Variants in PLCB1 observed in about 807,000 individuals in gnomAD.
PLCB1 encodes the protein 1-phosphatidylinositol 4,5-bisphosphate phosphodiesterase beta-1.
In PLCB1, 46 loss-of-function variants were observed where a neutral mutation model predicts 161.8. The ratio of observed to expected loss-of-function variants is 0.28; its 90% CI spans 0.22 to 0.36. PLCB1 has a LOEUF of 0.36. PLCB1 is among the 10% of genes least tolerant of loss of function. The probability of loss-of-function intolerance (pLI) is 1.00; values close to 1 mark genes in which losing one functional copy is unlikely to be tolerated. For missense variants in PLCB1, 1,016 were observed against 1,472.5 expected, an observed-to-expected ratio of 0.69 and a Z score of 5.07; for synonymous variants, 517 against 503.7, an observed-to-expected ratio of 1.03 and a Z score of -0.35.
chr20:8,637,320 T>A (rs910873356), intron 4 of PLCB1, among the ~76,000 whole-genome samples: 1 of 152,190 alleles, frequency 6.6e-6, no homozygotes. Context: ...ATATTATAAT[T>A]TTCATTCATT....
At chr20:8,648,028 T>C in intron 6 of PLCB1, 75 bp downstream of exon 6, 1 of 1,117,546 alleles carries the variant, frequency 8.9e-7, no homozygotes, top group East Asian at 2.5e-5. Context: ...GGCTCTGTTT[T>C]GTTTCTCCAG....
rs912245095 is a variant in PLCB1 at position 8,882,652 on chromosome 20, A to G, written c.*803A>G. ...ATTGGTTATTGGCCTGAAATGATCA[A>G]ATAACTACAAATGATCTGTTGAATA... On this transcript the variant is annotated 3_prime_UTR_variant, in exon 32 of 32. Coordinates refer to ENST00000338037, the MANE Select transcript of PLCB1 (RefSeq NM_015192.4). 6.6e-6 allele frequency: 1 copy of G among 152,540 alleles called. No homozygotes were observed. Among genetic ancestry groups the G allele is most frequent in the Non-Finnish European group, 1.5e-5 (1 of 68,032 alleles). The allele number at this position is 152,540 out of a possible 1,614,324, so 9.4% of individuals were successfully genotyped here. A position where few individuals can be genotyped will look rare whatever the true frequency, so the allele number is the denominator to read the frequency against.
chr20:8,157,086 A>C (rs1178960548), intron 2 of PLCB1, among the ~76,000 whole-genome samples: 1 of 152,172 alleles, frequency 6.6e-6, no homozygotes, highest in Non-Finnish European at 1.5e-5. Flanking sequence ...TGGGCAAATA[A>C]GATGTTTATT....
intron 2 of PLCB1, among the ~76,000 whole-genome samples, chr20:8,357,195 T>A (rs549290105): frequency 6.6e-6 from 1 of 152,346 alleles, no homozygotes; most frequent in South Asian, 2.1e-4. Flanking sequence ...TCAGTTTTTC[T>A]AAACTGTAGA....
intron 31 of PLCB1, among the ~76,000 whole-genome samples, chr20:8,881,355 G>C (rs971729031): frequency 1.3e-5 from 2 of 151,064 alleles, no homozygotes; most frequent in African/African-American, 2.4e-5. Flanking sequence ...GTGTGTGTGT[G>C]TGTGCATTTG....
intron 2 of PLCB1, among the ~76,000 whole-genome samples, chr20:8,271,673 A>G (rs577696562): frequency 6.6e-6 from 1 of 152,126 alleles, no homozygotes; most frequent in East Asian, 1.9e-4. Flanking sequence ...CAAGGTAGAG[A>G]GTCTTGTCTC....
At chr20:8,219,576 G>T (rs544540128) in intron 2 of PLCB1, among the ~76,000 whole-genome samples, 1 of 152,276 alleles carries the variant, frequency 6.6e-6, no homozygotes, top group South Asian at 2.1e-4. Context: ...GTTTGTTGAT[G>T]TAAGATACTG....
chr20:8,747,686 C>A (rs925869953), intron 23 of PLCB1, among the ~76,000 whole-genome samples: 1 of 152,106 alleles, frequency 6.6e-6, no homozygotes, highest in African/African-American at 2.4e-5. Flanking sequence ...GCAGGAGAAT[C>A]GCCTGAGTCT....
chr20:8,784,826 C>G (rs1983407652), intron 27 of PLCB1, among the ~76,000 whole-genome samples: 2 of 152,082 alleles, frequency 1.3e-5, no homozygotes, highest in African/African-American at 4.8e-5. Flanking sequence ...TTGTTAAACA[C>G]CAAACCTATA....
At chr20:8,139,233 C>T (rs2051379598) in intron 1 of PLCB1, among the ~76,000 whole-genome samples, 1 of 151,854 alleles carries the variant, frequency 6.6e-6, no homozygotes, top group Non-Finnish European at 1.5e-5. Context: ...ATTACAGGCA[C>T]ATGCCACCAT....
At chr20:8,146,767 C>T (rs1485971259) in intron 1 of PLCB1, among the ~76,000 whole-genome samples, 1 of 152,056 alleles carries the variant, frequency 6.6e-6, no homozygotes, top group East Asian at 1.9e-4. Flanking sequence ...TTTAGAGATT[C>T]ATGTAAATTA....
chr20:8,195,131 T>A (rs1232812589), intron 2 of PLCB1, among the ~76,000 whole-genome samples: 2 of 152,076 alleles, frequency 1.3e-5, no homozygotes, highest in East Asian at 1.9e-4. Flanking sequence ...AATTTTTACA[T>A]CTTTTTTTGC....
chr20:8,311,373 A>G (rs1984395115), intron 2 of PLCB1, among the ~76,000 whole-genome samples: 1 of 152,226 alleles, frequency 6.6e-6, no homozygotes, highest in South Asian at 2.1e-4. Context: ...TATTTCAAAT[A>G]CTTATGTGAA....
At chr20:8,512,718 A>G (rs990473591) in intron 3 of PLCB1, among the ~76,000 whole-genome samples, 4 of 152,174 alleles carry the variant, frequency 2.6e-5, no homozygotes, top group African/African-American at 9.6e-5. Context: ...TATGGGGAGC[A>G]ATTTGATACA....
At chr20:8,638,421 C>G (rs774130954) in intron 4 of PLCB1, among the ~76,000 whole-genome samples, 5 of 151,914 alleles carry the variant, frequency 3.3e-5, no homozygotes, top group Non-Finnish European at 7.4e-5. Flanking sequence ...GAGATGGAAT[C>G]AGAGATTTAA....
At chr20:8,376,914 C>T (rs937332261) in intron 3 of PLCB1, among the ~76,000 whole-genome samples, 11 of 150,472 alleles carry the variant, frequency 7.3e-5, no homozygotes, top group African/African-American at 2.2e-4. Context: ...GGCGACAGAG[C>T]GAGACTCCAT....
chr20:8,816,370 T>A (rs1329779033), intron 31 of PLCB1, among the ~76,000 whole-genome samples: 1 of 152,140 alleles, frequency 6.6e-6, no homozygotes, highest in Non-Finnish European at 1.5e-5. Context: ...CAAAAAGAAT[T>A]TTTTTCAACA....
At chr20:8,775,547 A>G (rs1422038889) in intron 27 of PLCB1, among the ~76,000 whole-genome samples, 1 of 152,208 alleles carries the variant, frequency 6.6e-6, no homozygotes, top group Non-Finnish European at 1.5e-5. Context: ...TCAGCTTGTA[A>G]GGTTGGAAGC....
intron 2 of PLCB1, among the ~76,000 whole-genome samples, chr20:8,294,715 A>G (rs2123308746): frequency 6.6e-6 from 1 of 151,440 alleles, no homozygotes; most frequent in Admixed American, 6.6e-5. Context: ...ACCACCATTT[A>G]GAAAACAATT....
Sources: allele counts gnomAD v4.1 joint callset (sites outside exome capture counted in the v4.1 genomes callset), GRCh38; gene constraint gnomAD v4.1.1; transcripts MANE v1.5; gene names NCBI Gene and HGNC (gene_info 2026-07-23, HGNC 2026-07-21).